The following HHAT variants were observed in gnomAD, a reference collection of about 807,000 sequenced individuals.
The protein encoded by HHAT is protein-cysteine N-palmitoyltransferase HHAT.
In HHAT, 47 loss-of-function variants were observed where a neutral mutation model predicts 70.8. The ratio of observed to expected loss-of-function variants is 0.66; its 90% CI spans 0.53 to 0.85. The LOEUF (loss-of-function observed/expected upper bound fraction) is 0.85. Among genes scored for constraint, HHAT ranks in the 40% least tolerant of loss-of-function variants. The pLI, the probability that HHAT is intolerant of heterozygous loss-of-function variation, is 0.00. For synonymous variants in HHAT, 228 were observed against 247.6 expected (o/e 0.92, Z 0.74); for missense variants, 609 against 604.8 (o/e 1.01, Z -0.07).
rs541167454 is a variant in HHAT, at chr1:210,464,547, A to G, written c.899A>G (p.Tyr300Cys). 2.5e-6 allele frequency: 4 copies of G among 1,614,122 alleles called. No individual in the cohort carries two copies. In the African/African-American group the frequency reaches 4.0e-5, roughly 16 times the overall value. Reference protein sequence around the residue: ...LAQVLFFYVKYLVLFGVPALL... With the variant: ...LAQVLFFYVKCLVLFGVPALL... ...CAGGTGCTCTTTTTCTACGTGAAGTACTTGGTGCTCTTTGGCGTGCCTGCT... is the reference window on the plus strand; with the variant it reads ...CAGGTGCTCTTTTTCTACGTGAAGTGCTTGGTGCTCTTTGGCGTGCCTGCT... Residue 300 changes from tyrosine (Y) to cysteine (C), a missense_variant, in exon 8 of 12, where the codon TAC (tyrosine) becomes TGC (cysteine). By Grantham distance (194) the Tyr-to-Cys change is radical. Transcript: ENST00000261458.
At chr1:210,446,081 C>T (rs917507130) in intron 7 of HHAT, among the ~76,000 whole-genome samples, 3 of 152,220 alleles carry the variant, frequency 2.0e-5, no homozygotes, top group African/African-American at 7.2e-5. Context: ...AAGCAGCCAA[C>T]TGTGGGAAGA....
chr1:210,477,979 A>G (rs1459853734), intron 8 of HHAT, among the ~76,000 whole-genome samples: 1 of 152,208 alleles, frequency 6.6e-6, no homozygotes, highest in Non-Finnish European at 1.5e-5. Flanking sequence ...TGTCATAGCA[A>G]TATATTTCCA....
intron 7 of HHAT, among the ~76,000 whole-genome samples, chr1:210,430,209 C>T (rs897059059): frequency 6.6e-6 from 1 of 151,764 alleles, no homozygotes; most frequent in Non-Finnish European, 1.5e-5. Flanking sequence ...CCTTTATTTG[C>T]CTCTGTTTCC....
chr1:210,338,638 T>A (rs1484155989), intron 1 of HHAT, among the ~76,000 whole-genome samples: 2 of 152,162 alleles, frequency 1.3e-5, no homozygotes, highest in Non-Finnish European at 2.9e-5. Flanking sequence ...GTTTTACAGA[T>A]AAGGAAATTG....
chr1:210,514,377 A>T (rs983016853), intron 9 of HHAT, among the ~76,000 whole-genome samples: 3 of 152,186 alleles, frequency 2.0e-5, no homozygotes, highest in African/African-American at 7.2e-5. Context: ...AGCAGGAGGG[A>T]CAAAGAACCA....
rs3033354 is a variant in HHAT at position 210,334,178 on chromosome 1, A to ATTTTTTTT, written c.-44+5087_-44+5094dup. On this transcript the variant is annotated intron_variant, in intron 1 of 11. Transcript: ENST00000261458. ...TACTTGCTGGCCACTTTAGCGTGTC[A>ATTTTTTTT]TTTTTTTTTTTTTTTTTTTTGAGAA... Among the ~76,000 whole-genome samples the ATTTTTTTT allele has an allele frequency of 7.7e-3, 769 of 99,928 alleles. 168 individuals carry two copies. The highest frequency in any genetic ancestry group is 0.011 in the African/African-American group (299 of 27,334). The allele number at this position is 99,928 out of a possible 152,430, so 65.6% of individuals were successfully genotyped here. A position where few individuals can be genotyped will look rare whatever the true frequency, so the allele number is the denominator to read the frequency against.
intron 9 of HHAT, among the ~76,000 whole-genome samples, chr1:210,537,273 C>G (rs2095382797): frequency 6.6e-6 from 1 of 152,180 alleles, no homozygotes; most frequent in Non-Finnish European, 1.5e-5. Flanking sequence ...GCATGCTGTG[C>G]TACGAAGTCC....
intron 10 of HHAT, among the ~76,000 whole-genome samples, chr1:210,597,673 C>T (rs1231785598): frequency 2.0e-5 from 3 of 152,042 alleles, no homozygotes; most frequent in African/African-American, 7.2e-5. Context: ...GGTCCAAGGG[C>T]TCTTCATTCA....
chr1:210,595,062 G>A (rs1203975766), intron 10 of HHAT, among the ~76,000 whole-genome samples: 1 of 151,926 alleles, frequency 6.6e-6, no homozygotes, highest in Non-Finnish European at 1.5e-5. Flanking sequence ...TGTGCTGCAT[G>A]CATTAACTCA....
At chr1:210,348,302 T>C (rs754560207) in intron 1 of HHAT, among the ~76,000 whole-genome samples, 4 of 152,204 alleles carry the variant, frequency 2.6e-5, no homozygotes, top group Non-Finnish European at 5.9e-5. Context: ...GATCTGGCTA[T>C]GTTGCCCAGG....
At position 210,485,497 on chromosome 1, in the gene HHAT, C is replaced by T. The variant is rs146771912; in HGVS notation, c.1007+20842C>T. On this transcript the variant is annotated intron_variant, in intron 8 of 11. Transcript: ENST00000261458. ...CTCTCCCACCAGCGACTCCTCAGGT[C>T]CGGGGGCTGCTTGGATCATGAGGTC... is the stretch of plus-strand genomic sequence containing the variant. Among the ~76,000 whole-genome samples, 483 of 152,186 alleles carry T rather than the reference C, an allele frequency of 3.2e-3. 3 individuals are homozygous for T. Among genetic ancestry groups the T allele is most frequent in the African/African-American group, 0.011 (453 of 41,522 alleles).
chr1:210,384,293 A>G (rs12143617), intron 3 of HHAT, among the ~76,000 whole-genome samples: 18,279 of 152,120 alleles, frequency 0.12, 1,206 homozygotes, highest in Non-Finnish European at 0.16. Flanking sequence ...GAACGGGAGG[A>G]TGACTGCTCT....
intron 7 of HHAT, among the ~76,000 whole-genome samples, chr1:210,434,448 A>T (rs2093328172): frequency 6.6e-6 from 1 of 151,878 alleles, no homozygotes; most frequent in African/African-American, 2.4e-5. Context: ...GCTCCTTTCC[A>T]TGTCGGCCGA....
rs550203406 is a variant in HHAT, at chr1:210,568,664, T to G, written c.1044-19234T>G. On this transcript the variant is annotated intron_variant, in intron 9 of 11. Transcript: ENST00000261458. ...AATACCCTCTAGAGGTTGCCATTGGTTACTTGGCTTATGCTCTATGTAAAT... is the reference window on the plus strand; with the variant it reads ...AATACCCTCTAGAGGTTGCCATTGGGTACTTGGCTTATGCTCTATGTAAAT... Among the ~76,000 whole-genome samples the G allele has an allele frequency of 2.0e-5, 3 of 152,314 alleles. No individual in the cohort carries two copies. In the East Asian group the frequency reaches 5.8e-4, roughly 29 times the overall value.
chr1:210,374,242 T>TA (rs2089961741), intron 3 of HHAT: 1 of 148,294 alleles, frequency 6.7e-6, no homozygotes, highest in Non-Finnish European at 1.5e-5. Context: ...GCGAAAGATT[T>TA]ATTCGATCTG....
At chr1:210,601,172 T>C (rs762444604) in intron 10 of HHAT, among the ~76,000 whole-genome samples, 2 of 152,148 alleles carry the variant, frequency 1.3e-5, no homozygotes, top group African/African-American at 2.4e-5. Context: ...ATTTTGAAGA[T>C]AGAGAATTCC....
intron 8 of HHAT, among the ~76,000 whole-genome samples, chr1:210,501,888 CT>C (rs1187436035): frequency 4.6e-5 from 7 of 151,246 alleles, no homozygotes; most frequent in Non-Finnish European, 7.4e-5. Context: ...TACCCCCACC[CT>C]TTTTTTTTAA....
At chr1:210,428,263 G>T (rs2093129610) in intron 7 of HHAT, among the ~76,000 whole-genome samples, 1 of 108,314 alleles carries the variant, frequency 9.2e-6, no homozygotes, top group Admixed American at 1.0e-4. Context: ...ACACATTTAT[G>T]TTTTCCCCCA....
intron 11 of HHAT, among the ~76,000 whole-genome samples, chr1:210,640,129 A>G (rs1421766957): frequency 1.3e-5 from 2 of 152,168 alleles, no homozygotes; most frequent in African/African-American, 2.4e-5. Flanking sequence ...AGAAGAAGCC[A>G]TTACTATTCT....
Sources: allele counts gnomAD v4.1 joint callset (sites outside exome capture counted in the v4.1 genomes callset), GRCh38; gene constraint gnomAD v4.1.1; transcripts MANE v1.5; gene names NCBI Gene and HGNC (gene_info 2026-07-23, HGNC 2026-07-21).